HEATR5B: variants seen among roughly 807,000 people sequenced by gnomAD.
HEATR5B encodes HEAT repeat containing 5B.
HEATR5B carries 156 observed loss-of-function variants against 224.1 expected under a neutral mutation model. The observed-to-expected ratio is 0.70, with a 90% CI of 0.61 to 0.80. HEATR5B has a LOEUF of 0.80. Among genes scored for constraint, HEATR5B ranks in the 30% least tolerant of loss-of-function variants. The pLI is 0.00. For synonymous variants in HEATR5B, 1,027 were observed against 893.0 expected, an observed-to-expected ratio of 1.15 and a Z score of -2.68; for missense variants, 2,323 against 2,535.5, an observed-to-expected ratio of 0.92 and a Z score of 1.80.
intron 10 of HEATR5B, among the ~76,000 whole-genome samples, chr2:37,063,843 T>C (rs1266290227): frequency 6.6e-6 from 1 of 152,188 alleles, no homozygotes; most frequent in Non-Finnish European, 1.5e-5. Flanking sequence ...ACGGAGTCTT[T>C]CTCTGTCACC....
intron 35 of HEATR5B, among the ~76,000 whole-genome samples, chr2:36,984,587 A>AC (rs1665823530): frequency 6.6e-6 from 1 of 152,142 alleles, no homozygotes; most frequent in South Asian, 2.1e-4. Context: ...GATTTGTATA[A>AC]GAAAAAAATA....
chr2:37,075,680 T>C, intron 4 of HEATR5B, 46 bp from the exon 5 acceptor site: 1 of 1,507,642 alleles, frequency 6.6e-7, no homozygotes, highest in Non-Finnish European at 9.0e-7. Context: ...ATAAATTCCA[T>C]ATTTAAACAA....
At chr2:37,045,292 A>C (rs1385700419) in intron 18 of HEATR5B, among the ~76,000 whole-genome samples, 1 of 151,636 alleles carries the variant, frequency 6.6e-6, no homozygotes, top group Non-Finnish European at 1.5e-5. Flanking sequence ...TGGATACAGG[A>C]TATTGTGAAT....
At chr2:37,012,485 G>C (rs1006115779) in intron 27 of HEATR5B, among the ~76,000 whole-genome samples, 3 of 152,018 alleles carry the variant, frequency 2.0e-5, no homozygotes, top group African/African-American at 7.3e-5. Flanking sequence ...CTGCCTCCCG[G>C]GTTCAAGTGA....
intron 5 of HEATR5B, among the ~76,000 whole-genome samples, chr2:37,074,321 CAAA>C (rs200217812): frequency 1.2e-4 from 6 of 50,614 alleles, no homozygotes; most frequent in Admixed American, 2.1e-4. Flanking sequence ...GACTCCATCT[CAAA>C]AAAAAAAAAA....
intron 32 of HEATR5B, 135 bp downstream of exon 32, chr2:37,002,171 A>C: frequency 1.0e-6 from 1 of 1,002,160 alleles, no homozygotes; most frequent in South Asian, 1.7e-5. Context: ...ACAAAACCTT[A>C]AAAAAAGACC....
chr2:37,021,916 C>G (rs1351598774), intron 24 of HEATR5B, among the ~76,000 whole-genome samples: 1 of 151,194 alleles, frequency 6.6e-6, no homozygotes, highest in Non-Finnish European at 1.5e-5. Flanking sequence ...TTTACTGAGG[C>G]TAATCAGAGC....
At chr2:37,065,037 A>G in intron 9 of HEATR5B, 47 bp from the exon 10 acceptor site, 4 of 1,577,396 alleles carry the variant, frequency 2.5e-6, no homozygotes, top group Non-Finnish European at 3.5e-6. Flanking sequence ...AAGTCAAATG[A>G]TTTCAGAAAC....
chr2:37,048,188 GTTTT>G (rs1392336835), intron 18 of HEATR5B, among the ~76,000 whole-genome samples: 1 of 139,152 alleles, frequency 7.2e-6, no homozygotes. Flanking sequence ...AGGACACATT[GTTTT>G]TTTTTTTTTT....
chr2:37,026,610 G>C (rs1222843690), intron 24 of HEATR5B, among the ~76,000 whole-genome samples: 1 of 152,084 alleles, frequency 6.6e-6, no homozygotes, highest in Non-Finnish European at 1.5e-5. Context: ...TGTCTTCTAG[G>C]CTATAAGTTC....
rs1314113040 is a variant in HEATR5B, at chr2:37,057,343, T to C, written c.2197A>G (p.Thr733Ala). ...SVLLGSWLQE[T>A]DHKSIEDQLQ... ...TGGTCTTCAATTGATTTATGATCAG[T>C]TTCCTGAAGCCAAGAACCAAGAAGA... Residue 733 changes from threonine (T) to alanine (A), a missense_variant, in exon 15 of 36, where the codon ACT becomes GCT. Around this residue, in one of 12 missense-constraint regions of HEATR5B, gnomAD observed 170 missense variants for 216.7 expected, o/e 0.78. Coordinates refer to ENST00000233099, the MANE Select transcript of HEATR5B (RefSeq NM_019024.3). The C allele has an allele frequency of 1.9e-6, 3 of 1,606,776 alleles. No homozygotes were observed. In the South Asian group the frequency reaches 3.4e-5, roughly 18 times the overall value.
At chr2:37,005,331 C>T (rs1254214957) in intron 30 of HEATR5B, among the ~76,000 whole-genome samples, 1 of 152,156 alleles carries the variant, frequency 6.6e-6, no homozygotes, top group Non-Finnish European at 1.5e-5. Flanking sequence ...ATCACAACAT[C>T]GGGCTCCTCC....
intron 2 of HEATR5B, among the ~76,000 whole-genome samples, chr2:37,079,549 C>G (rs1398603061): frequency 6.6e-6 from 1 of 152,086 alleles, no homozygotes; most frequent in Non-Finnish European, 1.5e-5. Flanking sequence ...TCCTCCAAAG[C>G]CAAAAGGTTA....
chr2:37,001,725 G>A lies in HEATR5B; in HGVS notation c.5317+581C>T, dbSNP rs575857379. On this transcript the variant is annotated intron_variant, in intron 32 of 35. Transcript: ENST00000233099. ...GTCGCTGAGGCTGCAGTGCAATGGC[G>A]TGATCTCGGCTCACTGCAGCCTCTG... Among the ~76,000 whole-genome samples the A allele has an allele frequency of 3.2e-4, 48 of 151,190 alleles. No individual in the cohort carries two copies. In the South Asian group the frequency reaches 4.0e-3, roughly 12 times the overall value.
intron 2 of HEATR5B, among the ~76,000 whole-genome samples, chr2:37,079,991 A>G (rs1672456098): frequency 6.6e-6 from 1 of 152,142 alleles, no homozygotes; most frequent in Non-Finnish European, 1.5e-5. Flanking sequence ...TTTTACGTGG[A>G]TTAATTAGAA....
intron 33 of HEATR5B, among the ~76,000 whole-genome samples, chr2:36,996,497 A>C (rs1478792396): frequency 8.7e-5 from 13 of 150,124 alleles, no homozygotes; most frequent in Middle Eastern, 6.9e-3. Context: ...GCTCACTGCA[A>C]CCTCTGCCTC....
intron 33 of HEATR5B, among the ~76,000 whole-genome samples, chr2:36,994,384 A>C (rs1165942267): frequency 6.6e-6 from 1 of 152,248 alleles, no homozygotes; most frequent in East Asian, 1.9e-4. Context: ...GTACATGTTC[A>C]CATGCATACA....
chr2:37,070,100 A>G (rs981369884), intron 7 of HEATR5B, 130 bp downstream of exon 7: 28 of 787,372 alleles, frequency 3.6e-5, no homozygotes, highest in Non-Finnish European at 5.6e-5. Context: ...GGGTTTCACC[A>G]TGTTAGTCAG....
At position 37,021,525 on chromosome 2, in the gene HEATR5B, T is replaced by C. The variant is rs113343632; in HGVS notation, c.3854-689A>G. 8.4e-3 allele frequency among the ~76,000 whole-genome samples: 1,272 copies of C among 152,264 alleles called. 21 individuals are homozygous for C. The highest frequency in any genetic ancestry group is 0.027 in the African/African-American group (1,121 of 41,550). ...ATGACAAGATGAGAAATCATCCCTC[T>C]CTCTATGCTGTGGCCAATGCGTAAC... On this transcript the variant is annotated intron_variant, in intron 24 of 35. Transcript: ENST00000233099.
Sources: gnomAD v4.1 joint callset for allele counts (sites outside exome capture counted in the v4.1 genomes callset) on GRCh38, gnomAD v4.1.1 for gene constraint, gnomAD v4.1.1 regional missense constraint, MANE v1.5 for transcripts, NCBI Gene and HGNC (gene_info 2026-07-23, HGNC 2026-07-21) for gene names.